The following PSD3 variants were observed in gnomAD, a reference collection of about 807,000 sequenced individuals.
PSD3 encodes the protein pleckstrin and Sec7 domain containing 3.
Under a neutral mutation model 105.5 loss-of-function variants are expected in PSD3, and 49 were observed. The observed-to-expected ratio is 0.46, with a 90% confidence interval of 0.37 to 0.59. The LOEUF is 0.59. Among genes scored for constraint, PSD3 ranks in the 20% least tolerant of loss-of-function variants. The pLI is 0.00. For missense variants in PSD3, 1,561 were observed against 1,263.8 expected (o/e 1.24, Z -3.57); for synonymous variants, 557 against 457.8 (o/e 1.22, Z -2.77).
chr8:18,770,596 G>A (rs1249129220), intron 8 of PSD3, among the ~76,000 whole-genome samples: 3 of 152,330 alleles, frequency 2.0e-5, no homozygotes, highest in South Asian at 4.1e-4. Context: ...GAGTGGGTAC[G>A]GCAGCTCGGG....
At chr8:18,933,942 C>A (rs12675794) in intron 2 of PSD3, among the ~76,000 whole-genome samples, 1 of 152,084 alleles carries the variant, frequency 6.6e-6, no homozygotes, top group Non-Finnish European at 1.5e-5. Context: ...AGATATACTA[C>A]GAAACACATT....
chr8:18,538,009 G>A (rs1799934473), intron 15 of PSD3, among the ~76,000 whole-genome samples: 2 of 152,176 alleles, frequency 1.3e-5, no homozygotes, highest in South Asian at 4.1e-4. Flanking sequence ...CCTTAACATG[G>A]ACATGACTCC....
At chr8:18,579,563 T>A (rs770194556) in intron 12 of PSD3, among the ~76,000 whole-genome samples, 1 of 152,216 alleles carries the variant, frequency 6.6e-6, no homozygotes, top group African/African-American at 2.4e-5. Context: ...AAGAATGTGA[T>A]TTCACAATGC....
chr8:18,569,473 G>A (rs1312871886), intron 14 of PSD3, among the ~76,000 whole-genome samples: 1 of 149,678 alleles, frequency 6.7e-6, no homozygotes, highest in Admixed American at 6.7e-5. Context: ...GACAAACAGA[G>A]AGCCAAATCA....
At chr8:18,808,529 T>G (rs568446649) in intron 4 of PSD3, among the ~76,000 whole-genome samples, 2 of 152,318 alleles carry the variant, frequency 1.3e-5, no homozygotes, top group African/African-American at 4.8e-5. Context: ...CTAATTTTCC[T>G]CACATTCACC....
chr8:18,769,643 C>A (rs1288285141), intron 8 of PSD3, among the ~76,000 whole-genome samples: 1 of 152,312 alleles, frequency 6.6e-6, no homozygotes, highest in East Asian at 1.9e-4. Context: ...CTTCCACCAC[C>A]CTCACTAGGG....
intron 11 of PSD3, among the ~76,000 whole-genome samples, chr8:18,616,621 T>C (rs1805690906): frequency 1.8e-5 from 1 of 55,498 alleles, no homozygotes; most frequent in East Asian, 3.4e-4. Context: ...TTCCTCTCTT[T>C]TCTTTTCTTT....
chr8:18,887,666 T>C (rs1403456867), intron 2 of PSD3, among the ~76,000 whole-genome samples: 3 of 152,186 alleles, frequency 2.0e-5, no homozygotes, highest in Admixed American at 1.3e-4. Flanking sequence ...ATTCCAATCT[T>C]CTGTAACCCT....
At chr8:18,559,304 C>T (rs959268086) in intron 14 of PSD3, among the ~76,000 whole-genome samples, 5 of 152,116 alleles carry the variant, frequency 3.3e-5, no homozygotes, top group African/African-American at 1.2e-4. Context: ...TAAATTGTTG[C>T]TAATTTCATA....
chr8:19,013,541 G>T, intron 1 of PSD3, 22 bp downstream of exon 1: 1 of 1,573,320 alleles, frequency 6.4e-7, no homozygotes, highest in Admixed American at 1.7e-5. Context: ...CCCCGCGCCC[G>T]CGCCCCGGCC....
intron 9 of PSD3, among the ~76,000 whole-genome samples, chr8:18,656,421 A>G (rs2130856181): frequency 6.6e-6 from 1 of 152,090 alleles, no homozygotes; most frequent in East Asian, 1.9e-4. Context: ...AGAGTAAGAT[A>G]CTTGGTAGGG....
chr8:18,537,679 A>C (rs949744182), intron 15 of PSD3, among the ~76,000 whole-genome samples: 1 of 39,510 alleles, frequency 2.5e-5, no homozygotes, highest in African/African-American at 6.7e-5. Flanking sequence ...TTAGCCTCTC[A>C]TTCTTTTTTT....
At chr8:18,726,805 G>T (rs545802012) in intron 9 of PSD3, among the ~76,000 whole-genome samples, 1 of 152,120 alleles carries the variant, frequency 6.6e-6, no homozygotes, top group Non-Finnish European at 1.5e-5. Flanking sequence ...ACCACGCTTC[G>T]GGGCTCTAAC....
rs958749124 is a variant in PSD3 at position 18,535,387 on chromosome 8, T to C, written c.*356A>G. ...AAGTGTTTCACAATGGATTAAATTC[T>C]TTAACCTTAAAAAAAAGTTTAACAG... On this transcript the variant is annotated 3_prime_UTR_variant, in exon 16 of 16. Coordinates refer to ENST00000327040, the MANE Select transcript of PSD3 (RefSeq NM_015310.4). The C allele has an allele frequency of 4.4e-6, 1 of 225,850 alleles. No individual in the cohort carries two copies. Among genetic ancestry groups the C allele is most frequent in the African/African-American group, 2.3e-5 (1 of 44,058 alleles). 14.0% of individuals were successfully genotyped at this position (225,850 alleles called of 1,614,324 possible). A position where few individuals can be genotyped will look rare whatever the true frequency, so the allele number is the denominator to read the frequency against.
chr8:18,617,799 A>G (rs1172910219), intron 11 of PSD3, among the ~76,000 whole-genome samples: 2 of 152,172 alleles, frequency 1.3e-5, no homozygotes, highest in Admixed American at 1.3e-4. Flanking sequence ...TAGTAGCACT[A>G]AGATACCAAT....
In PSD3 at chr8:18,973,161, G is replaced by C. The variant is rs531238295; in HGVS notation, c.22-37019C>G. Among the ~76,000 whole-genome samples, 4 of 152,234 alleles carry C rather than the reference G, an allele frequency of 2.6e-5. No homozygotes were observed. In the South Asian group the frequency reaches 8.3e-4, roughly 32 times the overall value. Reference sequence around the variant, plus strand: ...TCTGGGGGTTCTGAGTTCATCTCCAGGTTTCCCATTTTGAAAAGAACACTG... The same window carrying C: ...TCTGGGGGTTCTGAGTTCATCTCCACGTTTCCCATTTTGAAAAGAACACTG... On this transcript the variant is annotated intron_variant, in intron 1 of 15. Transcript: ENST00000327040.
intron 11 of PSD3, among the ~76,000 whole-genome samples, chr8:18,608,567 A>C (rs1805031562): frequency 6.6e-6 from 1 of 152,206 alleles, no homozygotes; most frequent in Non-Finnish European, 1.5e-5. Context: ...CTTTATTACT[A>C]ATTTGAAGAA....
intron 15 of PSD3, among the ~76,000 whole-genome samples, chr8:18,536,865 AT>A (rs1329799514): frequency 6.6e-6 from 1 of 152,188 alleles, no homozygotes; most frequent in African/African-American, 2.4e-5. Context: ...TAAAGTAAGT[AT>A]TCCACCATCC....
At chr8:18,965,628 A>T (rs758806884) in intron 1 of PSD3, among the ~76,000 whole-genome samples, 4 of 152,254 alleles carry the variant, frequency 2.6e-5, no homozygotes, top group Non-Finnish European at 5.9e-5. Flanking sequence ...GATAGACTCG[A>T]AGCTGCAAAA....
Sources: allele counts gnomAD v4.1 joint callset (sites outside exome capture counted in the v4.1 genomes callset), GRCh38; gene constraint gnomAD v4.1.1; transcripts MANE v1.5; gene names NCBI Gene and HGNC (gene_info 2026-07-23, HGNC 2026-07-21).